MTMR12: variants seen among roughly 807,000 people sequenced by gnomAD.
MTMR12 encodes the protein myotubularin-related protein 12.
Under a neutral mutation model 96.7 loss-of-function variants are expected in MTMR12, and 33 were observed. The ratio of observed to expected loss-of-function variants is 0.34; its 90% CI spans 0.26 to 0.46. The LOEUF (loss-of-function observed/expected upper bound fraction) is 0.46. MTMR12 is among the 20% of genes least tolerant of loss of function. The pLI, the probability that MTMR12 is intolerant of heterozygous loss-of-function variation, is 1.00. For synonymous variants in MTMR12, 298 were observed against 327.2 expected, an observed-to-expected ratio of 0.91 and a Z score of 0.96; for missense variants, 721 against 896.1, an observed-to-expected ratio of 0.80 and a Z score of 2.49.
chr5:32,255,908 A>G, intron 7 of MTMR12, 140 bp from the exon 8 acceptor site: 1 of 664,566 alleles, frequency 1.5e-6, no homozygotes, highest in Non-Finnish European at 2.5e-6. Context: ...ACCAGCTCAG[A>G]GGAACTGCTG....
chr5:32,308,557 C>T (rs780953832), intron 1 of MTMR12, among the ~76,000 whole-genome samples: 3 of 152,046 alleles, frequency 2.0e-5, no homozygotes, highest in Non-Finnish European at 4.4e-5. Flanking sequence ...CCTGGCAAAA[C>T]CTATATACTT....
chr5:32,282,620 C>T (rs1750347415), intron 1 of MTMR12, among the ~76,000 whole-genome samples: 1 of 151,994 alleles, frequency 6.6e-6, no homozygotes, highest in Non-Finnish European at 1.5e-5. Context: ...CCCCCTCAAA[C>T]AAAAATCCAA....
At chr5:32,263,556 G>A (rs539227513) in intron 6 of MTMR12, among the ~76,000 whole-genome samples, 1 of 151,818 alleles carries the variant, frequency 6.6e-6, no homozygotes, top group East Asian at 1.9e-4. Flanking sequence ...TCCCGCCTTA[G>A]CCTCATGAGT....
intron 15 of MTMR12, among the ~76,000 whole-genome samples, chr5:32,231,260 G>C (rs1348146041): frequency 1.3e-5 from 2 of 151,826 alleles, no homozygotes; most frequent in African/African-American, 4.8e-5. Flanking sequence ...AGCAGGGTGT[G>C]GTGGTGGGCA....
chr5:32,263,131 C>A lies in MTMR12; in HGVS notation c.695G>T (p.Gly232Val), dbSNP rs2112060785. The A allele has an allele frequency of 1.2e-6, 2 of 1,614,202 alleles. No individual in the cohort carries two copies. The highest frequency in any genetic ancestry group is 1.7e-6 in the Non-Finnish European group (2 of 1,180,034). ...AGCTTACCTCTCACAGACTTTATAG[C>A]CTTCGTTGACACTCACTGCTTTGTA... The part of the protein sequence containing the change: ...MKYKAVSVNE[G>V]YKVCERLPAY... The change falls in exon 7 of 16, where the codon GGC becomes GTC. Residue 232 changes from glycine to valine, a missense_variant. Transcript: ENST00000382142.
chr5:32,233,473 A>ACAAAC lies in MTMR12; in HGVS notation c.1674+299_1674+300insGTTTG. Among the ~76,000 whole-genome samples the ACAAAC allele has an allele frequency of 3.3e-5, 2 of 59,934 alleles. No individual in the cohort carries two copies. The highest frequency in any genetic ancestry group is 8.5e-5 in the Non-Finnish European group (2 of 23,448). 39.3% of individuals were successfully genotyped at this position (59,934 alleles called of 152,430 possible). On this transcript the variant is annotated intron_variant, in intron 15 of 15. Coordinates refer to ENST00000382142, the MANE Select transcript of MTMR12 (RefSeq NM_001040446.3). This position sits in a 1 kb window ranked among gnomAD's most constrained non-coding sequence, Gnocchi z 5.0. ...CTCTACTAACACACACACACACACAAACACACACACACACACACACACACA... is the reference window on the plus strand; with the variant it reads ...CTCTACTAACACACACACACACACAACAAACACACACACACACACACACACACACA...
chr5:32,235,581 T>C (rs1748195316), intron 13 of MTMR12, among the ~76,000 whole-genome samples: 1 of 152,116 alleles, frequency 6.6e-6, no homozygotes, highest in African/African-American at 2.4e-5. Context: ...GGAACTTCTA[T>C]TCCCCACCTG....
chr5:32,244,286 TGAAAA>T (rs1041952004), intron 10 of MTMR12, among the ~76,000 whole-genome samples: 1 of 116,358 alleles, frequency 8.6e-6, no homozygotes. Flanking sequence ...TTCTAAAAAA[TGAAAA>T]GAAAAAAAAA....
chr5:32,239,821 G>C (rs1748394737), intron 12 of MTMR12, among the ~76,000 whole-genome samples: 1 of 152,174 alleles, frequency 6.6e-6, no homozygotes, highest in Admixed American at 6.5e-5. Flanking sequence ...GCCTATCCTA[G>C]GAGACAAACT....
At chr5:32,280,545 A>C (rs1334101649) in intron 1 of MTMR12, among the ~76,000 whole-genome samples, 3 of 152,220 alleles carry the variant, frequency 2.0e-5, no homozygotes, top group Non-Finnish European at 4.4e-5. Context: ...GTAGGTATCC[A>C]TGTATATCTT....
chr5:32,311,244 A>C (rs1483060155), intron 1 of MTMR12, among the ~76,000 whole-genome samples: 2 of 152,224 alleles, frequency 1.3e-5, no homozygotes, highest in Non-Finnish European at 2.9e-5. Context: ...AAAGACACAA[A>C]GAGAAATTGA....
intron 12 of MTMR12, among the ~76,000 whole-genome samples, chr5:32,239,857 A>C (rs1005631894): frequency 2.6e-5 from 4 of 152,214 alleles, no homozygotes; most frequent in Admixed American, 2.0e-4. Context: ...CTACATGCCC[A>C]CCTGCCATGC....
chr5:32,271,996 T>A, intron 3 of MTMR12, 91 bp from the exon 4 acceptor site: 1 of 766,266 alleles, frequency 1.3e-6, no homozygotes, highest in Non-Finnish European at 2.0e-6. Context: ...ACTTGGATAT[T>A]AAGAAAAATG....
chr5:32,270,247 C>T (rs1467184222), intron 5 of MTMR12, among the ~76,000 whole-genome samples: 1 of 152,048 alleles, frequency 6.6e-6, no homozygotes, highest in Non-Finnish European at 1.5e-5. Context: ...CAACAAACAT[C>T]AAATTGATAC....
intron 1 of MTMR12, among the ~76,000 whole-genome samples, chr5:32,285,204 A>C (rs1433331214): frequency 6.6e-6 from 1 of 152,040 alleles, no homozygotes; most frequent in Non-Finnish European, 1.5e-5. Context: ...CTAAAAATAC[A>C]AAAATTAGCC....
chr5:32,274,981 A>T (rs1307124506), intron 2 of MTMR12, among the ~76,000 whole-genome samples: 1 of 152,030 alleles, frequency 6.6e-6, no homozygotes, highest in Non-Finnish European at 1.5e-5. Flanking sequence ...CTAAGTATAA[A>T]TGTTTTGCAA....
In MTMR12 at chr5:32,266,724, G is replaced by A. The variant is rs146163114; in HGVS notation, c.583+1977C>T. The stretch of plus-strand genomic sequence containing the variant: ...CAACCAACAACAACAAAAAAAAACT[G>A]CCACTTCCCTGACAAAAAGTACATA... On this transcript the variant is annotated intron_variant, in intron 6 of 15. Transcript: ENST00000382142. Among the ~76,000 whole-genome samples the A allele has an allele frequency of 8.0e-5, 12 of 150,614 alleles. No homozygotes were observed. The East Asian group carries it at 2.4e-3, about 30-fold the overall frequency.
intron 6 of MTMR12, 52 bp from the exon 7 acceptor site, chr5:32,263,294 G>A: frequency 2.5e-6 from 4 of 1,603,600 alleles, no homozygotes; most frequent in Non-Finnish European, 3.4e-6. Context: ...AAGCACTGGT[G>A]CTTTTATTAT....
intron 11 of MTMR12, 94 bp downstream of exon 11, chr5:32,243,427 C>A: frequency 1.2e-6 from 1 of 849,478 alleles, no homozygotes; most frequent in South Asian, 1.6e-5. Flanking sequence ...ATTTAACTGT[C>A]AAATATCAAA....
Sources: allele counts gnomAD v4.1 joint callset (sites outside exome capture counted in the v4.1 genomes callset), GRCh38; gene constraint gnomAD v4.1.1; non-coding constraint Gnocchi (gnomAD v3.1); transcripts MANE v1.5; gene names NCBI Gene and HGNC (gene_info 2026-07-23, HGNC 2026-07-21).